RGS9: variants seen among roughly 807,000 people sequenced by gnomAD.
The protein encoded by RGS9 is regulator of G-protein signalling 9.
RGS9 carries 78 observed loss-of-function variants against 102.0 expected under a neutral mutation model. The ratio of observed to expected loss-of-function variants is 0.76; its 90% confidence interval spans 0.64 to 0.92. RGS9 has a LOEUF of 0.92. RGS9 is among the 40% of genes least tolerant of loss of function. The pLI is 0.00. For synonymous variants in RGS9, 353 were observed against 318.6 expected, an observed-to-expected ratio of 1.11 and a Z score of -1.15; for missense variants, 833 against 866.1, an observed-to-expected ratio of 0.96 and a Z score of 0.48.
intron 9 of RGS9, among the ~76,000 whole-genome samples, chr17:65,184,506 G>A (rs536420407): frequency 1.1e-4 from 16 of 152,180 alleles, no homozygotes; most frequent in African/African-American, 3.4e-4. Flanking sequence ...GTCTATTATC[G>A]CATTTAGTCC....
chr17:65,158,497 G>GTCC, intron 3 of RGS9, 152 bp downstream of exon 3: 1 of 771,972 alleles, frequency 1.3e-6, no homozygotes, highest in South Asian at 1.4e-5. Context: ...AGAATCAAAA[G>GTCC]CAAAGGCAGG....
intron 2 of RGS9, among the ~76,000 whole-genome samples, chr17:65,154,054 C>T (rs577160032): frequency 3.3e-5 from 5 of 152,280 alleles, no homozygotes; most frequent in Admixed American, 3.3e-4. Flanking sequence ...CACCTACAAT[C>T]CCAGCACTTT....
intron 1 of RGS9, among the ~76,000 whole-genome samples, chr17:65,149,169 T>C (rs933672749): frequency 3.3e-5 from 5 of 151,910 alleles, no homozygotes; most frequent in African/African-American, 1.2e-4. Context: ...AAACGAGGTT[T>C]TGCCATGTTG....
chr17:65,210,294 A>G (rs912260773), intron 16 of RGS9, among the ~76,000 whole-genome samples, 194 bp from the exon 17 acceptor site: 5 of 152,172 alleles, frequency 3.3e-5, no homozygotes, highest in Non-Finnish European at 5.9e-5. Context: ...GGCAGTTGGT[A>G]CTCACTCTGG....
At chr17:65,149,487 C>A (rs898660881) in intron 1 of RGS9, among the ~76,000 whole-genome samples, 3 of 152,118 alleles carry the variant, frequency 2.0e-5, no homozygotes, top group Non-Finnish European at 4.4e-5. Context: ...TACCTTGTAT[C>A]CTTGCAGTGC....
intron 2 of RGS9, 104 bp downstream of exon 2, chr17:65,153,622 T>A: frequency 1.1e-6 from 1 of 920,310 alleles, no homozygotes; most frequent in Non-Finnish European, 1.8e-6. Context: ...CCAGGTGCAG[T>A]GGCTCACGCC....
chr17:65,161,669 G>A (rs1326484698), intron 6 of RGS9, among the ~76,000 whole-genome samples: 2 of 151,912 alleles, frequency 1.3e-5, no homozygotes, highest in African/African-American at 4.8e-5. Flanking sequence ...ATTTCTGGGT[G>A]GAGGGTTAAA....
intron 10 of RGS9, among the ~76,000 whole-genome samples, chr17:65,189,769 GTGGT>G (rs538526301): frequency 4.9e-4 from 75 of 152,334 alleles, no homozygotes; most frequent in African/African-American, 1.7e-3. Flanking sequence ...GTGGAGGAAG[GTGGT>G]TGAGGAGGGG....
intron 8 of RGS9, among the ~76,000 whole-genome samples, chr17:65,177,147 T>C (rs1911669877): frequency 7.0e-6 from 1 of 142,236 alleles, no homozygotes; most frequent in African/African-American, 2.7e-5. Context: ...GCCATTTATC[T>C]GTCCGTCCAT....
At position 65,177,778 on chromosome 17, in the gene RGS9, A is replaced by T. The variant is rs374824643; in HGVS notation, c.629A>T (p.Asn210Ile). The T allele has an allele frequency of 2.5e-6, 4 of 1,614,226 alleles. No individual in the cohort carries two copies. The East Asian group carries it at 8.9e-5, about 36-fold the overall frequency. The change falls in exon 9 of 19, where the codon AAT becomes ATT. Residue 210 changes from asparagine (N) to isoleucine (I), a missense_variant. By Grantham distance (149) the Asn-to-Ile change is moderately radical. This residue lies in a region of RGS9 where 328 missense variants were observed against 340.6 expected (regional missense o/e 0.96). Coordinates refer to ENST00000262406, the MANE Select transcript of RGS9 (RefSeq NM_003835.4). ...VLDYGLDRVT[N>I]PNEVKVNQKQ... ...GACTACGGCCTGGACCGAGTGACCA[A>T]TCCGAATGAAGTCAAGGTAAACCAG...
At chr17:65,142,965 C>T (rs2143950363) in intron 1 of RGS9, among the ~76,000 whole-genome samples, 1 of 151,810 alleles carries the variant, frequency 6.6e-6, no homozygotes, top group Admixed American at 6.6e-5. Context: ...CTATATTGCC[C>T]AGGCTGGACT....
In RGS9 at chr17:65,207,951, G is replaced by T. The variant is rs1439255067; in HGVS notation, c.1233G>T (p.Pro411=). The T allele has an allele frequency of 8.7e-6, 14 of 1,612,852 alleles. No individual in the cohort carries two copies. Among genetic ancestry groups the T allele is most frequent in the Non-Finnish European group, 1.1e-5 (13 of 1,179,186 alleles). ...CTTATGCTCGCTATTTAAAATCTCC[G>T]ATCTATAAGGACATGCTGGCCAAAG... ...KDSYARYLKS[P]IYKDMLAKAI... The change falls in exon 16 of 19, where the codon CCG becomes CCT. Residue 411 remains proline (P), a synonymous_variant. Coordinates refer to ENST00000262406, the MANE Select transcript of RGS9 (RefSeq NM_003835.4).
chr17:65,161,789 G>C (rs1394927688), intron 6 of RGS9, among the ~76,000 whole-genome samples: 1 of 151,198 alleles, frequency 6.6e-6, no homozygotes, highest in Non-Finnish European at 1.5e-5. Flanking sequence ...GTGCAGTCTC[G>C]GCTCACTGCA....
At chr17:65,143,848 A>T (rs1598553654) in intron 1 of RGS9, among the ~76,000 whole-genome samples, 1 of 150,906 alleles carries the variant, frequency 6.6e-6, no homozygotes, top group African/African-American at 2.4e-5. Flanking sequence ...CTGTAGTCTT[A>T]GCTATGGGAT....
chr17:65,204,254 T>G lies in RGS9; in HGVS notation c.1156T>G (p.Tyr386Asp). The change falls in exon 15 of 19, where the codon TAT becomes GAT. Residue 386 changes from tyrosine (Y) to aspartate (D), a missense_variant. Transcript: ENST00000262406. ...GAAGGGGCTGAAGCACCCCCACCGC[T>G]ATGTGCTGGACGCCGCACAAACCCA... is the stretch of plus-strand genomic sequence containing the variant. ...TVKGLKHPHR[Y>D]VLDAAQTHIY... 1 of 1,613,634 alleles carries G rather than the reference T, an allele frequency of 6.2e-7. No homozygotes were observed. Among genetic ancestry groups the G allele is most frequent in the Non-Finnish European group, 8.5e-7 (1 of 1,180,026 alleles).
chr17:65,172,021 A>AG (rs1911439718), intron 8 of RGS9, among the ~76,000 whole-genome samples: 1 of 152,214 alleles, frequency 6.6e-6, no homozygotes, highest in Admixed American at 6.5e-5. Flanking sequence ...CCACATATGC[A>AG]GACACTTGCC....
At chr17:65,148,405 A>G (rs2143963593) in intron 1 of RGS9, among the ~76,000 whole-genome samples, 2 of 152,304 alleles carry the variant, frequency 1.3e-5, no homozygotes, top group Middle Eastern at 3.4e-3. Context: ...CCAGAGCCTG[A>G]TTTCAATTCT....
intron 17 of RGS9, among the ~76,000 whole-genome samples, chr17:65,220,280 G>A (rs1335185770): frequency 6.6e-6 from 1 of 152,160 alleles, no homozygotes; most frequent in African/African-American, 2.4e-5. Context: ...TGAGAATTTT[G>A]CAGTGCGGTC....
chr17:65,179,431 G>A (rs1275965908), intron 9 of RGS9, among the ~76,000 whole-genome samples: 1 of 152,142 alleles, frequency 6.6e-6, no homozygotes, highest in Non-Finnish European at 1.5e-5. Flanking sequence ...TGTAGGCTTG[G>A]TTGCCATGGA....
Sources: allele counts gnomAD v4.1 joint callset (sites outside exome capture counted in the v4.1 genomes callset), GRCh38; gene constraint gnomAD v4.1.1; regional missense constraint gnomAD v4.1.1; transcripts MANE v1.5; gene names NCBI Gene and HGNC (gene_info 2026-07-23, HGNC 2026-07-21).